The following COPS4 variants were observed in gnomAD, a reference collection of about 807,000 sequenced individuals.
COPS4 encodes COP9 signalosome complex subunit 4.
A neutral mutation model predicts 55.1 loss-of-function variants in COPS4; 8 were observed. The ratio of observed to expected loss-of-function variants is 0.15; its 90% CI spans 0.09 to 0.26. The LOEUF (loss-of-function observed/expected upper bound fraction) is 0.26. Among genes scored for constraint, COPS4 ranks in the 10% least tolerant of loss-of-function variants. The pLI, the probability that COPS4 is intolerant of heterozygous loss-of-function variation, is 1.00. For synonymous variants in COPS4, 185 were observed against 165.7 expected, an observed-to-expected ratio of 1.12 and a Z score of -0.90; for missense variants, 248 against 484.0, an observed-to-expected ratio of 0.51 and a Z score of 4.58.
chr4:83,075,189 A>G (rs1233708463), intron 9 of COPS4, 108 bp from the exon 10 acceptor site: 3 of 907,522 alleles, frequency 3.3e-6, no homozygotes, highest in East Asian at 2.6e-5. Context: ...TTTAAAAGGA[A>G]CATGCCTCTT....
intron 1 of COPS4, among the ~76,000 whole-genome samples, chr4:83,043,801 T>C (rs1486695053): frequency 6.6e-6 from 1 of 152,194 alleles, no homozygotes; most frequent in Non-Finnish European, 1.5e-5. Flanking sequence ...CTTAGCAATA[T>C]TGAAAATATA....
chr4:83,062,834 C>G (rs1194163339), intron 6 of COPS4: 1 of 351,378 alleles, frequency 2.8e-6, no homozygotes, highest in African/African-American at 2.2e-5. Flanking sequence ...CAGATTAATT[C>G]ATTGACAAAA....
At chr4:83,052,831 C>T (rs1303452844) in intron 4 of COPS4, among the ~76,000 whole-genome samples, 1 of 152,180 alleles carries the variant, frequency 6.6e-6, no homozygotes, top group Non-Finnish European at 1.5e-5. Context: ...AAGCAATCCA[C>T]CTGCCTTGGC....
chr4:83,055,649 G>A (rs1467658915), intron 4 of COPS4, among the ~76,000 whole-genome samples: 1 of 151,936 alleles, frequency 6.6e-6, no homozygotes, highest in Non-Finnish European at 1.5e-5. Context: ...CACCATATTG[G>A]TCAGGCTGGC....
intron 6 of COPS4, 42 bp downstream of exon 6, chr4:83,057,450 T>G: frequency 4.0e-6 from 6 of 1,489,432 alleles, no homozygotes; most frequent in Non-Finnish European, 4.5e-6. Context: ...CAGTTATCTT[T>G]GCTTAATAAC....
intron 6 of COPS4, 60 bp from the exon 7 acceptor site, chr4:83,063,016 T>TC: frequency 1.4e-6 from 2 of 1,419,206 alleles, no homozygotes; most frequent in Non-Finnish European, 1.9e-6. Context: ...GGTTTTTTTT[T>TC]CCTGAAGAAA....
At chr4:83,072,695 A>C (rs1731466461) in intron 9 of COPS4, among the ~76,000 whole-genome samples, 1 of 152,168 alleles carries the variant, frequency 6.6e-6, no homozygotes, top group East Asian at 1.9e-4. Context: ...TCATTTATTA[A>C]ATAAAACATC....
chr4:83,060,861 C>G (rs937772218), intron 6 of COPS4, among the ~76,000 whole-genome samples: 4 of 151,390 alleles, frequency 2.6e-5, no homozygotes, highest in African/African-American at 9.7e-5. Flanking sequence ...ATGGAGAAAC[C>G]TCGTTTCTAC....
At chr4:83,074,952 C>T (rs1476128646) in intron 9 of COPS4, among the ~76,000 whole-genome samples, 1 of 151,824 alleles carries the variant, frequency 6.6e-6, no homozygotes, top group Non-Finnish European at 1.5e-5. Flanking sequence ...GAAACCCCAT[C>T]TCTACTAGAA....
chr4:83,056,430 G>A (rs991355018), intron 4 of COPS4, among the ~76,000 whole-genome samples: 2 of 152,208 alleles, frequency 1.3e-5, no homozygotes, highest in Admixed American at 6.5e-5. Flanking sequence ...AGGATTAAAA[G>A]CAGCTAAGAT....
At chr4:83,069,542 C>G (rs1340996321) in intron 9 of COPS4, among the ~76,000 whole-genome samples, 1 of 152,116 alleles carries the variant, frequency 6.6e-6, no homozygotes, top group Non-Finnish European at 1.5e-5. Context: ...TTTCTGTAGT[C>G]CACTCTTTTT....
At chr4:83,072,462 T>C (rs1731459852) in intron 9 of COPS4, among the ~76,000 whole-genome samples, 1 of 152,224 alleles carries the variant, frequency 6.6e-6, no homozygotes, top group Non-Finnish European at 1.5e-5. Flanking sequence ...ATTTTTAAAT[T>C]TTTTTGCACT....
At chr4:83,065,930 G>A (rs777067613) in intron 7 of COPS4, among the ~76,000 whole-genome samples, 6 of 152,200 alleles carry the variant, frequency 3.9e-5, no homozygotes, top group African/African-American at 9.7e-5. Context: ...CCAGGTGGGC[G>A]CATCACTTGA....
At chr4:83,046,584 A>G (rs1417856347) in intron 2 of COPS4, among the ~76,000 whole-genome samples, 2 of 152,256 alleles carry the variant, frequency 1.3e-5, no homozygotes, top group East Asian at 1.9e-4. Context: ...CATATACACC[A>G]TAAAATACTA....
At chr4:83,072,604 C>T (rs557934259) in intron 9 of COPS4, among the ~76,000 whole-genome samples, 1 of 152,064 alleles carries the variant, frequency 6.6e-6, no homozygotes, top group South Asian at 2.1e-4. Flanking sequence ...GAATTTAATC[C>T]ATCTACAGTT....
At chr4:83,055,460 T>A (rs1255998254) in intron 4 of COPS4, among the ~76,000 whole-genome samples, 1 of 151,940 alleles carries the variant, frequency 6.6e-6, no homozygotes, top group Non-Finnish European at 1.5e-5. Flanking sequence ...TTTTTTTTTT[T>A]TGAGATGGAG....
At chr4:83,044,197 C>T (rs1730642543) in intron 1 of COPS4, among the ~76,000 whole-genome samples, 1 of 152,150 alleles carries the variant, frequency 6.6e-6, no homozygotes. Flanking sequence ...GTAATCCCAG[C>T]ACTGTGGGAG....
intron 9 of COPS4, among the ~76,000 whole-genome samples, chr4:83,074,478 T>G (rs1397216541): frequency 1.4e-5 from 2 of 139,088 alleles, no homozygotes; most frequent in Non-Finnish European, 3.1e-5. Context: ...TTTTTTTTTT[T>G]GGAGATGGAG....
chr4:83,057,640 G>C (rs1449388503), intron 6 of COPS4, among the ~76,000 whole-genome samples: 2 of 152,054 alleles, frequency 1.3e-5, no homozygotes, highest in Admixed American at 1.3e-4. Context: ...AGTTAAAAGA[G>C]GGCTGGGCGC....
Sources: gnomAD v4.1 joint callset for allele counts (sites outside exome capture counted in the v4.1 genomes callset) on GRCh38, gnomAD v4.1.1 for gene constraint, MANE v1.5 for transcripts, NCBI Gene and HGNC (gene_info 2026-07-23, HGNC 2026-07-21) for gene names.